The following CD86 variants were observed in gnomAD, a reference collection of about 807,000 sequenced individuals.
CD86 encodes the protein CD86 molecule, also known as T-lymphocyte activation antigen CD86.
A neutral mutation model predicts 32.1 loss-of-function variants in CD86; 11 were observed. The ratio of observed to expected loss-of-function variants is 0.34; its 90% CI spans 0.22 to 0.57. CD86 has a LOEUF of 0.57. CD86 is among the 20% of genes least tolerant of loss of function. The pLI, the probability that CD86 is intolerant of heterozygous loss-of-function variation, is 0.86. For missense variants in CD86, 359 were observed against 398.4 expected, an observed-to-expected ratio of 0.90 and a Z score of 0.84; for synonymous variants, 137 against 135.3, an observed-to-expected ratio of 1.01 and a Z score of -0.09.
chr3:122,100,813 C>T (rs190803560), intron 2 of CD86, among the ~76,000 whole-genome samples: 8 of 152,298 alleles, frequency 5.3e-5, no homozygotes, highest in African/African-American at 1.9e-4. Flanking sequence ...GACCATTCCT[C>T]TTACCCAAGT....
At chr3:122,115,905 C>G (rs1324624918) in intron 5 of CD86, among the ~76,000 whole-genome samples, 1 of 152,004 alleles carries the variant, frequency 6.6e-6, no homozygotes, top group Admixed American at 6.6e-5. Flanking sequence ...ACACTGTTGA[C>G]AAAGCTACCA....
intron 1 of CD86, among the ~76,000 whole-genome samples, chr3:122,088,346 C>T (rs539499681): frequency 2.6e-5 from 4 of 152,160 alleles, no homozygotes; most frequent in Admixed American, 2.6e-4. Context: ...CTTTTGCCCG[C>T]TTTTAGTTTG....
chr3:122,082,640 T>C (rs1268135361), intron 1 of CD86, among the ~76,000 whole-genome samples: 1 of 152,256 alleles, frequency 6.6e-6, no homozygotes, highest in East Asian at 1.9e-4. Context: ...ATGTTTACTA[T>C]GGATAGACTA....
intron 1 of CD86, among the ~76,000 whole-genome samples, chr3:122,062,134 TA>T (rs563795313): frequency 2.6e-5 from 4 of 151,576 alleles, no homozygotes; most frequent in African/African-American, 7.3e-5. Flanking sequence ...CACTAAATAT[TA>T]AAAAAAATGC....
chr3:122,079,794 G>T (rs1188622422), intron 1 of CD86, among the ~76,000 whole-genome samples: 2 of 152,156 alleles, frequency 1.3e-5, no homozygotes, highest in African/African-American at 4.8e-5. Context: ...CCCCATCACG[G>T]CCCTGAGACC....
chr3:122,114,996 A>G (rs550952211), intron 5 of CD86, among the ~76,000 whole-genome samples: 1 of 152,350 alleles, frequency 6.6e-6, no homozygotes, highest in African/African-American at 2.4e-5. Flanking sequence ...CTTTTGTTCC[A>G]CATTGTACTG....
At chr3:122,098,137 C>G (rs1020794193) in intron 2 of CD86, among the ~76,000 whole-genome samples, 2 of 152,168 alleles carry the variant, frequency 1.3e-5, no homozygotes, top group African/African-American at 2.4e-5. Flanking sequence ...AATCAGAACC[C>G]AGACATCTCA....
At chr3:122,077,995 T>C in intron 1 of CD86, 1 of 985,734 alleles carries the variant, frequency 1.0e-6, no homozygotes, top group Middle Eastern at 5.2e-4. Flanking sequence ...GCTGCTGTGC[T>C]TATGCATCTG....
chr3:122,086,287 C>G lies in CD86; in HGVS notation c.15-5314C>G, dbSNP rs140040149. 2.9e-3 allele frequency among the ~76,000 whole-genome samples: 437 copies of G among 152,282 alleles called. 8 individuals carry two copies. The South Asian group carries it at 0.038, about 13-fold the overall frequency. ...TACTCCGGTTACCACTAACATTCTA[C>G]ACAAAGTTGTGAAATAAGTCTTTTT... On this transcript the variant is annotated intron_variant, in intron 1 of 6. Transcript: ENST00000330540.
chr3:122,115,740 CAAA>C (rs769868417), intron 5 of CD86, among the ~76,000 whole-genome samples: 55 of 27,524 alleles, frequency 2.0e-3, no homozygotes, highest in Non-Finnish European at 3.1e-3. Context: ...AACTCCCTCT[CAAA>C]AAAAAAAAAA....
At chr3:122,058,768 C>A (rs898488531) in intron 1 of CD86, among the ~76,000 whole-genome samples, 1 of 151,984 alleles carries the variant, frequency 6.6e-6, no homozygotes, top group African/African-American at 2.4e-5. Context: ...TAAAAAAAAT[C>A]CCTTGGCAGA....
intron 3 of CD86, among the ~76,000 whole-genome samples, chr3:122,105,203 G>T (rs1018761864): frequency 6.6e-6 from 1 of 152,178 alleles, no homozygotes; most frequent in South Asian, 2.1e-4. Context: ...GAAAAGCCAT[G>T]TTGTATTTGT....
At chr3:122,068,538 G>A (rs2072445761) in intron 1 of CD86, among the ~76,000 whole-genome samples, 1 of 152,144 alleles carries the variant, frequency 6.6e-6, no homozygotes, top group African/African-American at 2.4e-5. Flanking sequence ...CAGAATCACA[G>A]TCTTTTGAAT....
chr3:122,102,788 A>T (rs2073031453), intron 2 of CD86, among the ~76,000 whole-genome samples: 1 of 152,066 alleles, frequency 6.6e-6, no homozygotes, highest in Non-Finnish European at 1.5e-5. Context: ...TCTCTTTCTG[A>T]TCTCTGAAAG....
At chr3:122,101,513 A>AAAAT (rs1202377219) in intron 2 of CD86, among the ~76,000 whole-genome samples, 153 of 46,246 alleles carry the variant, frequency 3.3e-3, no homozygotes, top group Middle Eastern at 0.01. Flanking sequence ...AAAAAAAAAA[A>AAAAT]ATATATATAT....
In CD86 at chr3:122,059,548, AAAAG is replaced by A. The variant is rs556320263; in HGVS notation, c.14+4053_14+4056del. ...GAGACTCCGTCTCAAAAAAAAAAAA[AAAAG>A]AAAGAAATCAAGTGGGGAGATGGAT... On this transcript the variant is annotated intron_variant, in intron 1 of 6. Coordinates refer to ENST00000330540, the MANE Select transcript of CD86 (RefSeq NM_175862.5). 2.0e-4 allele frequency among the ~76,000 whole-genome samples: 30 copies of A among 152,132 alleles called. No homozygotes were observed. The East Asian group carries it at 5.0e-3, about 25-fold the overall frequency.
intron 6 of CD86, among the ~76,000 whole-genome samples, chr3:122,118,671 T>A (rs1042996731): frequency 6.6e-6 from 1 of 152,232 alleles, no homozygotes; most frequent in African/African-American, 2.4e-5. Context: ...TATGCTTACA[T>A]ATTTGTGTAA....
chr3:122,085,723 T>C (rs2072706800), intron 1 of CD86, among the ~76,000 whole-genome samples: 1 of 152,188 alleles, frequency 6.6e-6, no homozygotes, highest in Non-Finnish European at 1.5e-5. Context: ...GACAGCGGAA[T>C]GCAGAGGATG....
At chr3:122,071,168 T>A (rs1367165826) in intron 1 of CD86, among the ~76,000 whole-genome samples, 1 of 152,192 alleles carries the variant, frequency 6.6e-6, no homozygotes, top group Non-Finnish European at 1.5e-5. Context: ...GTTTCTCTCT[T>A]TGGGTTGTAC....
Sources: gnomAD v4.1 joint callset for allele counts (sites outside exome capture counted in the v4.1 genomes callset) on GRCh38, gnomAD v4.1.1 for gene constraint, MANE v1.5 for transcripts, NCBI Gene and HGNC (gene_info 2026-07-23, HGNC 2026-07-21) for gene names.